Variants in MYO19 observed in about 807,000 individuals in gnomAD.
The protein encoded by MYO19 is myosin XIX.
In MYO19, 132 loss-of-function variants were observed where a neutral mutation model predicts 129.2. That is an observed-to-expected ratio of 1.02 (90% CI 0.89 to 1.18). The LOEUF is 1.18. Ranked by LOEUF, MYO19 falls within the 50% of genes most tolerant of loss-of-function variation. MYO19 has a pLI of 0.00. For synonymous variants in MYO19, 531 were observed against 477.2 expected (o/e 1.11, Z -1.47); for missense variants, 1,210 against 1,216.7 (o/e 0.99, Z 0.08).
intron 19 of MYO19, 128 bp downstream of exon 19, chr17:36,505,169 A>G (rs2071793380): frequency 3.5e-6 from 3 of 859,638 alleles, no homozygotes; most frequent in Non-Finnish European, 6.0e-6. Flanking sequence ...GTCCTCTCTC[A>G]TGTCAGGCCT....
Position 36,498,527 on chromosome 17 carries a change from C to A in MYO19, c.2496G>T (p.Leu832=). The part of the protein sequence containing the change: ...IRMACLAAKE[L]DGVEEKHFSQ... ...AGAAGTGTTTTTCTTCCACACCATC[C>A]AGCTCTTTAGCAGCAAGGCAGGCCA... Residue 832 remains leucine (L), a synonymous_variant, in exon 25 of 26, where the codon CTG becomes CTT. Coordinates refer to ENST00000614623, the MANE Select transcript of MYO19 (RefSeq NM_001163735.2). 1 of 1,613,546 alleles carries A rather than the reference C, an allele frequency of 6.2e-7. No homozygotes were observed. Among genetic ancestry groups the A allele is most frequent in the South Asian group, 1.1e-5 (1 of 91,074 alleles).
chr17:36,498,427 G>C lies in MYO19; in HGVS notation c.2596C>G (p.Leu866Val), dbSNP rs1222511552. ...GCCGTATTGGCCAGGACCAGTCCCA[G>C]GGGCCAGAGGCGGATTATTGCCTCC... ...LLEAIIRLWPLGLVLANTAMG... is the reference protein window; with the variant it reads ...LLEAIIRLWPVGLVLANTAMG... Residue 866 changes from leucine to valine, a missense_variant, in exon 25 of 26, where the codon CTG becomes GTG. Physicochemically the swap from Leu to Val is conservative, Grantham distance 32. Transcript: ENST00000614623. 6.2e-7 allele frequency: 1 copy of C among 1,613,918 alleles called. No individual in the cohort carries two copies. The highest frequency in any genetic ancestry group is 8.5e-7 in the Non-Finnish European group (1 of 1,179,908).
At chr17:36,527,249 A>G (rs1026307449) in intron 5 of MYO19, among the ~76,000 whole-genome samples, 1 of 152,188 alleles carries the variant, frequency 6.6e-6, no homozygotes, top group Non-Finnish European at 1.5e-5. Context: ...TACCTTTATA[A>G]ATCCTTTCCT....
chr17:36,542,870 C>T (rs906932485), intron 1 of MYO19, among the ~76,000 whole-genome samples: 1 of 151,646 alleles, frequency 6.6e-6, no homozygotes, highest in Non-Finnish European at 1.5e-5. Context: ...TGCTCGCCAC[C>T]ACGCCCAGCT....
At chr17:36,499,263 TACG>T (rs1263981634) in intron 23 of MYO19, 103 bp from the exon 24 acceptor site, 1 of 779,484 alleles carries the variant, frequency 1.3e-6, no homozygotes, top group African/African-American at 1.8e-5. Flanking sequence ...AAGTTTCAAA[TACG>T]TTTTTTTTTT....
intron 3 of MYO19, among the ~76,000 whole-genome samples, chr17:36,530,896 C>A (rs2073795177): frequency 6.6e-6 from 1 of 152,066 alleles, no homozygotes; most frequent in South Asian, 2.1e-4. Flanking sequence ...ATTGGGATTA[C>A]AGGCATGAGC....
chr17:36,517,668 T>C (rs2142147371), intron 6 of MYO19, among the ~76,000 whole-genome samples: 1 of 152,346 alleles, frequency 6.6e-6, no homozygotes, highest in South Asian at 2.1e-4. Flanking sequence ...GTTTATTCTG[T>C]TCCCCTCTAG....
chr17:36,513,445 T>G lies in MYO19; in HGVS notation c.878A>C (p.Gln293Pro). The G allele has an allele frequency of 6.2e-7, 1 of 1,614,046 alleles. No individual in the cohort carries two copies. Among genetic ancestry groups the G allele is most frequent in the Non-Finnish European group, 8.5e-7 (1 of 1,179,900 alleles). ...MLHLGIDTPT[Q>P]NNIFKVLAGL... The stretch of plus-strand genomic sequence containing the variant: ...TCTTCTGACCTTAAAGATGTTGTTC[T>G]GGGTAGGGGTGTCAATGCCCAAATG... The change falls in exon 11 of 26, where the codon CAG becomes CCG. Residue 293 changes from glutamine (Q) to proline (P), a missense_variant. Coordinates refer to ENST00000614623, the MANE Select transcript of MYO19 (RefSeq NM_001163735.2).
intron 11 of MYO19, chr17:36,513,157 T>C: frequency 7.1e-7 from 1 of 1,408,834 alleles, no homozygotes; most frequent in Non-Finnish European, 9.2e-7. Context: ...CTTCTGATCA[T>C]GCGGTACCTT....
chr17:36,520,009 T>G (rs1410166169), intron 6 of MYO19, among the ~76,000 whole-genome samples: 1 of 144,494 alleles, frequency 6.9e-6, no homozygotes, highest in Non-Finnish European at 1.5e-5. Context: ...TTTTTTTCCT[T>G]TTTTTTGAGA....
At chr17:36,508,612 T>G (rs2072090298) in intron 14 of MYO19, 1 of 171,900 alleles carries the variant, frequency 5.8e-6, no homozygotes, top group Non-Finnish European at 1.2e-5. Flanking sequence ...GGCTAATTTC[T>G]TTGAAATGGG....
chr17:36,507,123 C>G lies in MYO19; in HGVS notation c.1484G>C (p.Arg495Pro). ...CTGGAGCTGGGCTGCGCTGCTGGGT[C>G]GATTGAGGCGGCATTCCTGTGGGAT... is the stretch of plus-strand genomic sequence containing the variant. ...SLINEECRLN[R>P]PSSAAQLQTR... Residue 495 changes from arginine to proline, a missense_variant, in exon 17 of 26, where the codon CGA becomes CCA. By Grantham distance (103) the Arg-to-Pro change is moderately radical (BLOSUM62 -2). Coordinates refer to ENST00000614623, the MANE Select transcript of MYO19 (RefSeq NM_001163735.2). 1.9e-6 allele frequency: 3 copies of G among 1,602,784 alleles called. No homozygotes were observed. The highest frequency in any genetic ancestry group is 2.6e-6 in the Non-Finnish European group (3 of 1,171,444).
At chr17:36,512,607 C>A (rs1038689237) in intron 11 of MYO19, 2 of 1,282,696 alleles carry the variant, frequency 1.6e-6, no homozygotes, top group African/African-American at 3.0e-5. Context: ...CCAGTGTTGT[C>A]CACTTATCCT....
intron 4 of MYO19, 28 bp from the exon 5 acceptor site, chr17:36,527,727 C>G (rs184280787): frequency 4.4e-5 from 70 of 1,596,940 alleles, no homozygotes; most frequent in African/African-American, 8.1e-5. Context: ...TTAGCAAACT[C>G]GGGCTCAAAT....
chr17:36,537,824 C>G, upstream of MYO19: 1 of 1,613,988 alleles, frequency 6.2e-7, no homozygotes, highest in Non-Finnish European at 8.5e-7. Flanking sequence ...TTTTCTTTAC[C>G]ATAATAGTTG....
chr17:36,538,386 C>T (rs1344936820), upstream of MYO19: 1 of 1,614,010 alleles, frequency 6.2e-7, no homozygotes, highest in East Asian at 2.2e-5. Context: ...ATCTCTAGTC[C>T]CTGAAGCCGA....
chr17:36,529,241 C>A (rs2073680753), intron 3 of MYO19, among the ~76,000 whole-genome samples: 1 of 152,038 alleles, frequency 6.6e-6, no homozygotes. Flanking sequence ...CTCACTGCAG[C>A]CTCCAACTCC....
intron 21 of MYO19, chr17:36,501,652 A>G: frequency 6.1e-6 from 1 of 164,044 alleles, no homozygotes; most frequent in Non-Finnish European, 1.3e-5. Context: ...CCACTCCCTC[A>G]GCCCCGACCC....
chr17:36,524,522 C>A (rs1262997599), intron 6 of MYO19, among the ~76,000 whole-genome samples: 1 of 152,218 alleles, frequency 6.6e-6, no homozygotes, highest in East Asian at 1.9e-4. Flanking sequence ...AGCTGTGCAA[C>A]TCCCCACTCA....
Sources: gnomAD v4.1 joint callset for allele counts (sites outside exome capture counted in the v4.1 genomes callset) on GRCh38, gnomAD v4.1.1 for gene constraint, MANE v1.5 for transcripts, NCBI Gene and HGNC (gene_info 2026-07-23, HGNC 2026-07-21) for gene names.